The following SMYD3 variants were observed in gnomAD, a reference collection of about 807,000 sequenced individuals.
The protein encoded by SMYD3 is histone-lysine N-methyltransferase SMYD3.
SMYD3 carries 36 observed loss-of-function variants against 57.7 expected under a neutral mutation model. The ratio of observed to expected loss-of-function variants is 0.62; its 90% confidence interval spans 0.48 to 0.82. SMYD3 has a LOEUF of 0.82. Among genes scored for constraint, SMYD3 ranks in the 40% least tolerant of loss-of-function variants. The probability of loss-of-function intolerance (pLI) is 0.00; values close to 1 mark genes in which losing one functional copy is unlikely to be tolerated. For missense variants in SMYD3, 515 were observed against 538.8 expected, an observed-to-expected ratio of 0.96 and a Z score of 0.44; for synonymous variants, 211 against 195.0, an observed-to-expected ratio of 1.08 and a Z score of -0.68.
At chr1:246,488,857 G>A (rs1312799466) in intron 1 of SMYD3, among the ~76,000 whole-genome samples, 3 of 152,118 alleles carry the variant, frequency 2.0e-5, no homozygotes, top group African/African-American at 7.2e-5. Context: ...CCATCCTGTA[G>A]GTAAACAGGT....
intron 10 of SMYD3, among the ~76,000 whole-genome samples, chr1:245,842,838 T>C (rs919743678): frequency 1.6e-4 from 24 of 152,204 alleles, no homozygotes; most frequent in African/African-American, 5.3e-4. Flanking sequence ...AGCCTCCCGA[T>C]GAGCTGGGAC....
chr1:246,017,097 T>C (rs2059390638), intron 5 of SMYD3, among the ~76,000 whole-genome samples: 2 of 152,230 alleles, frequency 1.3e-5, no homozygotes, highest in South Asian at 4.1e-4. Flanking sequence ...GGGCTTCTGA[T>C]ACATACTGTT....
intron 11 of SMYD3, among the ~76,000 whole-genome samples, chr1:245,761,845 G>C (rs12082276): frequency 6.8e-6 from 1 of 147,882 alleles, no homozygotes; most frequent in African/African-American, 2.6e-5. Flanking sequence ...GAGTGCAATG[G>C]TGCAATCTTG....
intron 5 of SMYD3, among the ~76,000 whole-genome samples, chr1:246,149,394 ACT>A (rs985971785): frequency 6.6e-6 from 1 of 152,154 alleles, no homozygotes; most frequent in Non-Finnish European, 1.5e-5. Flanking sequence ...CTCTGCTGTG[ACT>A]GATCCTCAAT....
chr1:245,892,840 G>C (rs1378469639), intron 8 of SMYD3, among the ~76,000 whole-genome samples: 1 of 152,046 alleles, frequency 6.6e-6, no homozygotes, highest in Admixed American at 6.5e-5. Context: ...TTCAGCTATG[G>C]CTTCAAAAGA....
At chr1:246,476,695 C>T (rs2068034802) in intron 1 of SMYD3, among the ~76,000 whole-genome samples, 1 of 152,152 alleles carries the variant, frequency 6.6e-6, no homozygotes, top group South Asian at 2.1e-4. Flanking sequence ...ATTCAAGACC[C>T]AACTAAAAAG....
chr1:246,367,736 A>T (rs2066130029), intron 1 of SMYD3, among the ~76,000 whole-genome samples: 1 of 152,150 alleles, frequency 6.6e-6, no homozygotes, highest in Admixed American at 6.5e-5. Context: ...CCAGCCAAAA[A>T]ATAATCTTAA....
chr1:245,909,252 C>T (rs2054796080), intron 8 of SMYD3, among the ~76,000 whole-genome samples: 1 of 151,956 alleles, frequency 6.6e-6, no homozygotes, highest in Non-Finnish European at 1.5e-5. Flanking sequence ...AAGGTTAAAC[C>T]GTGAAGAAAA....
rs114141510 is a variant in SMYD3, at chr1:245,809,129, C to G, written c.1077-44980G>C. Among the ~76,000 whole-genome samples the G allele has an allele frequency of 2.3e-3, 345 of 152,320 alleles. 2 individuals are homozygous for G. Among genetic ancestry groups the G allele is most frequent in the African/African-American group, 8.0e-3 (332 of 41,570 alleles). On this transcript the variant is annotated intron_variant, in intron 10 of 11. Coordinates refer to ENST00000490107, the MANE Select transcript of SMYD3 (RefSeq NM_001167740.2). ...TCTCCAAATAACTCAGGGCTCTGTACTGCCTCTGGTTCCTGCTGCTCACTA... is the reference window on the plus strand; with the variant it reads ...TCTCCAAATAACTCAGGGCTCTGTAGTGCCTCTGGTTCCTGCTGCTCACTA...
At chr1:246,384,199 T>C (rs2066432940) in intron 1 of SMYD3, among the ~76,000 whole-genome samples, 1 of 152,148 alleles carries the variant, frequency 6.6e-6, no homozygotes, top group African/African-American at 2.4e-5. Flanking sequence ...CCTTCAGATA[T>C]CTTTTTCTGT....
intron 10 of SMYD3, among the ~76,000 whole-genome samples, chr1:245,798,861 C>T (rs895326930): frequency 1.3e-5 from 2 of 152,166 alleles, no homozygotes; most frequent in African/African-American, 2.4e-5. Context: ...ACACCATCAA[C>T]CCCTCAGCCC....
chr1:246,498,690 C>G (rs1413823097), intron 1 of SMYD3, among the ~76,000 whole-genome samples: 1 of 145,574 alleles, frequency 6.9e-6, no homozygotes, highest in African/African-American at 2.6e-5. Context: ...GAGATCGCAC[C>G]ACTGCACTTT....
At chr1:245,956,710 C>T (rs768411261) in intron 5 of SMYD3, among the ~76,000 whole-genome samples, 7 of 152,148 alleles carry the variant, frequency 4.6e-5, no homozygotes, top group East Asian at 1.9e-4. Context: ...GAGCCTGCTT[C>T]GGTACTCTGG....
chr1:245,805,068 C>G (rs542989440), intron 10 of SMYD3, among the ~76,000 whole-genome samples: 1 of 151,594 alleles, frequency 6.6e-6, no homozygotes, highest in African/African-American at 2.4e-5. Flanking sequence ...CAAGTACATG[C>G]GTTCAAGGCC....
chr1:245,985,504 T>C (rs1258892790), intron 5 of SMYD3, among the ~76,000 whole-genome samples: 1 of 152,158 alleles, frequency 6.6e-6, no homozygotes, highest in Non-Finnish European at 1.5e-5. Context: ...TTTATGTCCT[T>C]AAGGAAAAAC....
At chr1:246,291,171 A>G (rs2148593675) in intron 5 of SMYD3, among the ~76,000 whole-genome samples, 1 of 152,358 alleles carries the variant, frequency 6.6e-6, no homozygotes, top group South Asian at 2.1e-4. Context: ...CAAATTATGT[A>G]TACAGCTTGC....
At chr1:246,308,108 T>C (rs574503697) in intron 5 of SMYD3, among the ~76,000 whole-genome samples, 51 of 152,324 alleles carry the variant, frequency 3.3e-4, no homozygotes, top group Non-Finnish European at 7.1e-4. Context: ...AGCACCTCCA[T>C]GTACTGAACG....
chr1:246,432,145 G>A (rs1296943082), intron 1 of SMYD3, among the ~76,000 whole-genome samples: 1 of 152,146 alleles, frequency 6.6e-6, no homozygotes, highest in Non-Finnish European at 1.5e-5. Flanking sequence ...TTTCTCCAAG[G>A]AAACTATCAG....
chr1:246,053,143 G>A (rs1254479541), intron 5 of SMYD3: 3 of 152,090 alleles, frequency 2.0e-5, no homozygotes, highest in South Asian at 4.2e-4. Flanking sequence ...TACTGGGGAG[G>A]CTGAGATGGG....
Sources: allele counts gnomAD v4.1 joint callset (sites outside exome capture counted in the v4.1 genomes callset), GRCh38; gene constraint gnomAD v4.1.1; transcripts MANE v1.5; gene names NCBI Gene and HGNC (gene_info 2026-07-23, HGNC 2026-07-21).